SLC24A2: variants seen among roughly 807,000 people sequenced by gnomAD.
SLC24A2 encodes solute carrier family 24 member 2, also known as sodium/potassium/calcium exchanger 2.
In SLC24A2, 36 loss-of-function variants were observed where a neutral mutation model predicts 62.0. The observed-to-expected ratio is 0.58, with a 90% CI of 0.44 to 0.77. SLC24A2 has a LOEUF of 0.77. SLC24A2 is among the 30% of genes least tolerant of loss of function. The pLI, the probability that SLC24A2 is intolerant of heterozygous loss-of-function variation, is 0.00. For missense variants in SLC24A2, 846 were observed against 817.9 expected, an observed-to-expected ratio of 1.03 and a Z score of -0.42; for synonymous variants, 358 against 294.0, an observed-to-expected ratio of 1.22 and a Z score of -2.23.
At chr9:19,970,973 T>A in the SLC24A2 span, among the ~76,000 whole-genome samples, 8 of 152,196 alleles carry the variant, frequency 5.3e-5, no homozygotes, top group African/African-American at 1.9e-4. Context: ...TCACCTAACT[T>A]TGTAGTGCTA....
the SLC24A2 span, among the ~76,000 whole-genome samples, chr9:19,952,746 A>G: frequency 4.0e-5 from 6 of 151,194 alleles, no homozygotes; most frequent in Non-Finnish European, 7.4e-5. Flanking sequence ...TACAAGGGTA[A>G]TACTGGCTTT....
the SLC24A2 span, among the ~76,000 whole-genome samples, chr9:20,259,256 A>G: frequency 1.7e-4 from 26 of 152,230 alleles, no homozygotes; most frequent in African/African-American, 4.8e-4. Flanking sequence ...GACTTCCAGA[A>G]TTGTAAGATT....
the SLC24A2 span, among the ~76,000 whole-genome samples, chr9:20,102,854 T>G: frequency 1.3e-5 from 2 of 152,062 alleles, no homozygotes; most frequent in African/African-American, 2.4e-5. Context: ...CGCAGGACAG[T>G]AGGTGCAGTG....
the SLC24A2 span, among the ~76,000 whole-genome samples, chr9:20,250,073 G>A: frequency 1.2e-4 from 18 of 152,302 alleles, no homozygotes; most frequent in South Asian, 1.2e-3. Context: ...GTCAATACAT[G>A]AGAACAACAA....
chr9:19,796,764 G>A, the SLC24A2 span, among the ~76,000 whole-genome samples: 1 of 152,092 alleles, frequency 6.6e-6, no homozygotes, highest in Admixed American at 6.5e-5. Context: ...CTTTTTGATG[G>A]AATCTATTTT....
intron 7 of SLC24A2, among the ~76,000 whole-genome samples, chr9:19,572,458 T>G (rs1191934488): frequency 1.3e-5 from 2 of 152,054 alleles, no homozygotes; most frequent in Non-Finnish European, 2.9e-5. Flanking sequence ...CCCTTTGCTA[T>G]TCTCGTGATA....
the SLC24A2 span, among the ~76,000 whole-genome samples, chr9:20,069,841 C>T: frequency 3.4e-3 from 514 of 152,280 alleles, 2 homozygotes; most frequent in African/African-American, 0.012. Flanking sequence ...TTATCTGTCT[C>T]CTCAGTGGAC....
chr9:20,306,628 G>A, the SLC24A2 span, among the ~76,000 whole-genome samples: 1 of 152,218 alleles, frequency 6.6e-6, no homozygotes, highest in African/African-American at 2.4e-5. Flanking sequence ...CGTGTTGGGT[G>A]TCTTTGTGTC....
intron 7 of SLC24A2, among the ~76,000 whole-genome samples, chr9:19,554,990 C>T (rs2132767427): frequency 6.6e-6 from 1 of 152,274 alleles, no homozygotes; most frequent in South Asian, 2.1e-4. Flanking sequence ...TCTGGTCTCT[C>T]TATAAGATAT....
the SLC24A2 span, among the ~76,000 whole-genome samples, chr9:19,981,091 TAAGA>T: frequency 6.6e-6 from 1 of 152,180 alleles, no homozygotes; most frequent in Non-Finnish European, 1.5e-5. Context: ...GACAAACCAA[TAAGA>T]AAGATGTAAA....
chr9:19,616,013 C>T (rs1817759565), intron 4 of SLC24A2, among the ~76,000 whole-genome samples: 2 of 150,864 alleles, frequency 1.3e-5, no homozygotes, highest in Non-Finnish European at 3.0e-5. Flanking sequence ...CACACACACA[C>T]ACACACACAC....
chr9:20,133,898 A>C, the SLC24A2 span, among the ~76,000 whole-genome samples: 3 of 152,212 alleles, frequency 2.0e-5, no homozygotes, highest in African/African-American at 7.2e-5. Context: ...ATATGAATTC[A>C]GTTTAACTTA....
At chr9:19,663,826 T>A (rs1361618127) in intron 2 of SLC24A2, among the ~76,000 whole-genome samples, 1 of 152,220 alleles carries the variant, frequency 6.6e-6, no homozygotes, top group African/African-American at 2.4e-5. Flanking sequence ...TGAGACCAAC[T>A]GCAAGACACT....
chr9:19,564,367 G>A (rs1835561325), intron 7 of SLC24A2, among the ~76,000 whole-genome samples: 2 of 152,190 alleles, frequency 1.3e-5, no homozygotes, highest in Admixed American at 1.3e-4. Flanking sequence ...AAACTCCACT[G>A]AGTTTAGGTA....
chr9:19,882,801 C>T, the SLC24A2 span, among the ~76,000 whole-genome samples: 5 of 152,062 alleles, frequency 3.3e-5, no homozygotes, highest in Non-Finnish European at 7.4e-5. Flanking sequence ...AAGCAGCAAG[C>T]AACATTTAAA....
chr9:20,146,531 A>G, the SLC24A2 span, among the ~76,000 whole-genome samples: 1 of 152,260 alleles, frequency 6.6e-6, no homozygotes, highest in African/African-American at 2.4e-5. Flanking sequence ...ATCTAACTTG[A>G]GAAAGCTGAG....
At chr9:19,919,911 C>G in the SLC24A2 span, among the ~76,000 whole-genome samples, 2 of 152,064 alleles carry the variant, frequency 1.3e-5, no homozygotes, top group African/African-American at 4.8e-5. Context: ...ATGGGAACTA[C>G]AATTCAAGAT....
the SLC24A2 span, among the ~76,000 whole-genome samples, chr9:19,827,209 T>A: frequency 6.6e-5 from 10 of 152,264 alleles, no homozygotes; most frequent in South Asian, 2.1e-3. Context: ...GCATCAGCTT[T>A]GGTCTGTCGT....
At chr9:19,814,277 C>A in the SLC24A2 span, among the ~76,000 whole-genome samples, 1 of 151,936 alleles carries the variant, frequency 6.6e-6, no homozygotes, top group Non-Finnish European at 1.5e-5. Flanking sequence ...GAATGGGGAG[C>A]CTGGATGTTG....
Sources: gnomAD v4.1 joint callset for allele counts (sites outside exome capture counted in the v4.1 genomes callset) on GRCh38, gnomAD v4.1.1 for gene constraint, MANE v1.5 for transcripts, NCBI Gene and HGNC (gene_info 2026-07-23, HGNC 2026-07-21) for gene names.